Variants in TNR observed in about 807,000 individuals in gnomAD.
The protein encoded by TNR is tenascin R, also known as tenascin-R.
In TNR, 45 loss-of-function variants were observed where a neutral mutation model predicts 150.4. The observed-to-expected ratio is 0.30, with a 90% CI of 0.24 to 0.38. TNR has a LOEUF of 0.38. Among genes scored for constraint, TNR ranks in the 10% least tolerant of loss-of-function variants. The probability of loss-of-function intolerance (pLI) is 1.00; values close to 1 mark genes in which losing one functional copy is unlikely to be tolerated. For missense variants in TNR, 1,544 were observed against 1,759.1 expected (o/e 0.88, Z 2.19); for synonymous variants, 687 against 678.4 (o/e 1.01, Z -0.20).
At chr1:175,358,832 G>A (rs1651449679) in intron 15 of TNR, among the ~76,000 whole-genome samples, 1 of 152,194 alleles carries the variant, frequency 6.6e-6, no homozygotes, top group African/African-American at 2.4e-5. Context: ...GATATGAATA[G>A]AGAAGACAAA....
chr1:175,411,876 G>A (rs1297028580), intron 2 of TNR, among the ~76,000 whole-genome samples: 1 of 152,054 alleles, frequency 6.6e-6, no homozygotes, highest in Non-Finnish European at 1.5e-5. Context: ...AATACTAGTA[G>A]TAATTGGGTC....
intron 1 of TNR, among the ~76,000 whole-genome samples, chr1:175,567,443 G>A (rs1393283394): frequency 6.6e-6 from 1 of 152,184 alleles, no homozygotes; most frequent in Non-Finnish European, 1.5e-5. Flanking sequence ...TGATTGACTT[G>A]CAGCAGAACC....
intron 1 of TNR, among the ~76,000 whole-genome samples, chr1:175,650,809 C>CCTCCCATACCTCAT (rs1558054751): frequency 2.0e-4 from 24 of 122,226 alleles, no homozygotes; most frequent in African/African-American, 3.5e-4. Flanking sequence ...TCATTACTAC[C>CCTCCCATACCTCAT]TGTCCCCCAC....
chr1:175,569,986 A>T (rs1028744050), intron 1 of TNR, among the ~76,000 whole-genome samples: 7 of 152,220 alleles, frequency 4.6e-5, no homozygotes, highest in Admixed American at 4.6e-4. Flanking sequence ...CAATATGGTT[A>T]GCTGGCGGCC....
At chr1:175,612,470 G>T (rs968367772) in intron 1 of TNR, among the ~76,000 whole-genome samples, 3 of 152,120 alleles carry the variant, frequency 2.0e-5, no homozygotes, top group Admixed American at 6.5e-5. Flanking sequence ...GAAATGCCCT[G>T]CAGGGACAGG....
At chr1:175,727,178 T>C (rs575114890) in intron 1 of TNR, among the ~76,000 whole-genome samples, 16 of 152,332 alleles carry the variant, frequency 1.1e-4, no homozygotes, top group Admixed American at 1.0e-3. Flanking sequence ...GTCAAAAAAA[T>C]TGTGAATCTT....
intron 1 of TNR, among the ~76,000 whole-genome samples, chr1:175,654,178 C>G (rs1665100008): frequency 6.6e-6 from 1 of 152,192 alleles, no homozygotes; most frequent in Non-Finnish European, 1.5e-5. Flanking sequence ...ATCCTTCTTG[C>G]TTATTGCCTT....
chr1:175,358,100 G>A (rs553356962), intron 15 of TNR, among the ~76,000 whole-genome samples: 1 of 152,170 alleles, frequency 6.6e-6, no homozygotes, highest in Non-Finnish European at 1.5e-5. Flanking sequence ...AATGCATGGA[G>A]GCTTGAGAAA....
At chr1:175,361,259 C>A (rs1571337651) in intron 14 of TNR, among the ~76,000 whole-genome samples, 1 of 152,140 alleles carries the variant, frequency 6.6e-6, no homozygotes. Flanking sequence ...AGTTGCTGGT[C>A]TCTTTTATCT....
intron 1 of TNR, among the ~76,000 whole-genome samples, chr1:175,733,567 G>A (rs73037259): frequency 0.056 from 8,482 of 152,162 alleles, 721 homozygotes; most frequent in African/African-American, 0.18. Flanking sequence ...ACGAAAAAAA[G>A]GGGTAGGGGT....
At chr1:175,514,951 C>T (rs1015662203) in intron 2 of TNR, among the ~76,000 whole-genome samples, 1 of 152,086 alleles carries the variant, frequency 6.6e-6, no homozygotes, top group African/African-American at 2.4e-5. Flanking sequence ...CCATGCTACC[C>T]AGTCTATTTT....
chr1:175,359,139 C>CTTTTTTTTTTTT lies in TNR; in HGVS notation c.2974+461_2974+472dup, dbSNP rs758610631. Among the ~76,000 whole-genome samples the CTTTTTTTTTTTT allele has an allele frequency of 8.7e-3, 368 of 42,136 alleles. 106 individuals carry two copies. Among genetic ancestry groups the CTTTTTTTTTTTT allele is most frequent in the East Asian group, 0.027 (32 of 1,192 alleles). The allele number at this position is 42,136 out of a possible 152,430, so 27.6% of individuals were successfully genotyped here. A position where few individuals can be genotyped will look rare whatever the true frequency, so the allele number is the denominator to read the frequency against. On this transcript the variant is annotated intron_variant, in intron 15 of 22. Coordinates refer to ENST00000367674, the MANE Select transcript of TNR (RefSeq NM_003285.3). ...AGTTTGCAGAGTTTGGGGATATCTT[C>CTTTTTTTTTTTT]TTTTTTTTTTTTTTTTTTTTTTTTT...
chr1:175,723,806 G>T (rs1057045569), intron 1 of TNR, among the ~76,000 whole-genome samples: 1 of 152,152 alleles, frequency 6.6e-6, no homozygotes, highest in Non-Finnish European at 1.5e-5. Flanking sequence ...AGGAGGCTGA[G>T]GTTTCAGTGA....
intron 19 of TNR, among the ~76,000 whole-genome samples, chr1:175,336,783 C>T (rs1650272772): frequency 6.6e-6 from 1 of 152,184 alleles, no homozygotes; most frequent in African/African-American, 2.4e-5. Context: ...TGTTTGGGGC[C>T]TCATCTGCTT....
chr1:175,666,993 T>A (rs1035758237), intron 1 of TNR, among the ~76,000 whole-genome samples: 1 of 152,186 alleles, frequency 6.6e-6, no homozygotes, highest in Non-Finnish European at 1.5e-5. Flanking sequence ...CCTCAAGCGA[T>A]CTTCCTGCCT....
At chr1:175,361,206 T>A in intron 14 of TNR, among the ~76,000 whole-genome samples, 1 of 152,176 alleles carries the variant, frequency 6.6e-6, no homozygotes, top group South Asian at 2.1e-4. Flanking sequence ...AGACTACAGG[T>A]GCATGCATCC....
intron 2 of TNR, among the ~76,000 whole-genome samples, chr1:175,499,909 C>G (rs1266624558): frequency 3.9e-5 from 6 of 152,170 alleles, no homozygotes; most frequent in Non-Finnish European, 8.8e-5. Flanking sequence ...TTGACAAGCA[C>G]AAGTCATGGT....
intron 1 of TNR, among the ~76,000 whole-genome samples, chr1:175,548,539 C>G (rs986235372): frequency 6.6e-6 from 1 of 152,058 alleles, no homozygotes; most frequent in Non-Finnish European, 1.5e-5. Flanking sequence ...CCTATATCCG[C>G]TCTTTCTCTC....
Position 175,393,828 on chromosome 1 carries a change from C to G in TNR, c.1308G>C (p.Glu436Asp). 6.2e-7 allele frequency: 1 copy of G among 1,614,212 alleles called. No individual in the cohort carries two copies. Among genetic ancestry groups the G allele is most frequent in the Non-Finnish European group, 8.5e-7 (1 of 1,180,034 alleles). Reference sequence around the variant, plus strand: ...ACCCATCGAAGGAAAATGAGAAGGGCTCCCACTGCACCTCCACGGTGGTCT... The same window carrying G: ...ACCCATCGAAGGAAAATGAGAAGGGGTCCCACTGCACCTCCACGGTGGTCT... ...ITETTVEVQW[E>D]PFSFSFDGWE... Residue 436 changes from glutamate to aspartate, a missense_variant, in exon 6 of 23, where the codon GAG becomes GAC. Glu to Asp is a conservative substitution (Grantham distance 45). This residue lies in a region of TNR where 1,254 missense variants were observed against 1,329.4 expected (regional missense o/e 0.94). Coordinates refer to ENST00000367674, the MANE Select transcript of TNR (RefSeq NM_003285.3).
Sources: gnomAD v4.1 joint callset for allele counts (sites outside exome capture counted in the v4.1 genomes callset) on GRCh38, gnomAD v4.1.1 for gene constraint, gnomAD v4.1.1 regional missense constraint, MANE v1.5 for transcripts, NCBI Gene and HGNC (gene_info 2026-07-23, HGNC 2026-07-21) for gene names.